TMEM178A: variants seen among roughly 807,000 people sequenced by gnomAD.
TMEM178A encodes the protein transmembrane protein 178.
In TMEM178A, 12 loss-of-function variants were observed where a neutral mutation model predicts 29.1. That is an observed-to-expected ratio of 0.41 (90% confidence interval 0.26 to 0.67). The LOEUF is 0.67. Among genes scored for constraint, TMEM178A ranks in the 30% least tolerant of loss-of-function variants. The pLI is 0.29. For missense variants in TMEM178A, 366 were observed against 419.1 expected, an observed-to-expected ratio of 0.87 and a Z score of 1.11; for synonymous variants, 210 against 187.2, an observed-to-expected ratio of 1.12 and a Z score of -0.99.
At chr2:39,679,189 G>C (rs1047025847) in intron 1 of TMEM178A, among the ~76,000 whole-genome samples, 5 of 152,122 alleles carry the variant, frequency 3.3e-5, no homozygotes, top group Non-Finnish European at 7.3e-5. Flanking sequence ...TTAGTATTGG[G>C]CACATGGCGA....
Position 39,717,492 on chromosome 2 carries a change from G to C in TMEM178A, c.*241G>C. ...GTGAGAATAGGGAGCAGTGCCATGG[G>C]ACATTTCTAGGTGTAGAGAAAGAAG... On this transcript the variant is annotated 3_prime_UTR_variant, in exon 4 of 4. Transcript: ENST00000281961. 2.5e-6 allele frequency: 1 copy of C among 407,850 alleles called. No individual in the cohort carries two copies. Among genetic ancestry groups the C allele is most frequent in the Non-Finnish European group, 4.2e-6 (1 of 235,546 alleles). The allele number at this position is 407,850 out of a possible 1,614,324, so 25.3% of individuals were successfully genotyped here.
chr2:39,696,475 C>T (rs1671546385), intron 1 of TMEM178A, among the ~76,000 whole-genome samples: 2 of 152,112 alleles, frequency 1.3e-5, no homozygotes, highest in African/African-American at 4.8e-5. Context: ...TCCTGAATTA[C>T]CTCTTTCATT....
chr2:39,697,082 T>C (rs1671575516), intron 1 of TMEM178A, among the ~76,000 whole-genome samples: 1 of 152,242 alleles, frequency 6.6e-6, no homozygotes, highest in African/African-American at 2.4e-5. Context: ...TGGAATCTAA[T>C]GCCTCCTTGT....
intron 1 of TMEM178A, among the ~76,000 whole-genome samples, chr2:39,668,777 T>G (rs1336452159): frequency 1.3e-5 from 2 of 152,228 alleles, no homozygotes; most frequent in Admixed American, 6.5e-5. Context: ...ACATAATTCT[T>G]CTAGATCTCA....
rs558797649 is a variant in TMEM178A at position 39,699,759 on chromosome 2, T to C, written c.401-4322T>C. 3.3e-5 allele frequency among the ~76,000 whole-genome samples: 5 copies of C among 152,282 alleles called. No individual in the cohort carries two copies. The East Asian group carries it at 9.7e-4, about 29-fold the overall frequency. On this transcript the variant is annotated intron_variant, in intron 1 of 3. Coordinates refer to ENST00000281961, the MANE Select transcript of TMEM178A (RefSeq NM_152390.3). ...GCATGAGCTACTGTGCCAGGCGAGA[T>C]CTTTTTTTAATGTAGGCATTTACAG... is the stretch of plus-strand genomic sequence containing the variant.
At chr2:39,722,175 C>T (rs1189143060), downstream of TMEM178A, among the ~76,000 whole-genome samples, 1 of 151,680 alleles carries the variant, frequency 6.6e-6, no homozygotes, top group Non-Finnish European at 1.5e-5. Context: ...AGTAGGTGGA[C>T]ATATTTTAGA....
chr2:39,718,754 C>T (rs1672640916), downstream of TMEM178A, among the ~76,000 whole-genome samples: 1 of 152,008 alleles, frequency 6.6e-6, no homozygotes. Flanking sequence ...GTTGTGTTTG[C>T]TTATCTTTCA....
At chr2:39,666,550 C>G (rs1227423755) in intron 1 of TMEM178A, among the ~76,000 whole-genome samples, 176 bp downstream of exon 1, 2 of 152,000 alleles carry the variant, frequency 1.3e-5, no homozygotes, top group East Asian at 3.9e-4. Flanking sequence ...TCCCCACTGC[C>G]TCCCTTCTTC....
intron 1 of TMEM178A, among the ~76,000 whole-genome samples, chr2:39,688,459 G>A (rs1671173522): frequency 2.0e-5 from 3 of 152,240 alleles, no homozygotes; most frequent in Admixed American, 2.0e-4. Flanking sequence ...ATGGCTTTGG[G>A]ATTTGGCTTC....
At chr2:39,710,361 C>T (rs971490420) in intron 3 of TMEM178A, among the ~76,000 whole-genome samples, 1 of 152,182 alleles carries the variant, frequency 6.6e-6, no homozygotes, top group East Asian at 1.9e-4. Flanking sequence ...CACTTACAGA[C>T]CTCATCACCT....
At chr2:39,734,195 A>G in the TMEM178A span, among the ~76,000 whole-genome samples, 1,666 of 152,280 alleles carry the variant, frequency 0.011, 38 homozygotes, top group East Asian at 0.076. Flanking sequence ...CATTCCACCA[A>G]AAGCCCCATG....
At chr2:39,680,749 AC>A (rs1287256179) in intron 1 of TMEM178A, among the ~76,000 whole-genome samples, 1 of 151,212 alleles carries the variant, frequency 6.6e-6, no homozygotes, top group Non-Finnish European at 1.5e-5. Flanking sequence ...AAAGAAAAAA[AC>A]ATGCTTTTTT....
At chr2:39,682,960 C>G (rs1670931715) in intron 1 of TMEM178A, among the ~76,000 whole-genome samples, 4 of 152,156 alleles carry the variant, frequency 2.6e-5, no homozygotes, top group Admixed American at 2.6e-4. Flanking sequence ...ACATGACAGC[C>G]CATTACCACC....
chr2:39,726,090 T>A, the TMEM178A span, among the ~76,000 whole-genome samples: 1 of 151,954 alleles, frequency 6.6e-6, no homozygotes, highest in East Asian at 1.9e-4. Context: ...GTAAAAAATC[T>A]TCCTTCAGGG....
At chr2:39,710,222 C>T (rs1672245484) in intron 3 of TMEM178A, among the ~76,000 whole-genome samples, 1 of 152,182 alleles carries the variant, frequency 6.6e-6, no homozygotes, top group Non-Finnish European at 1.5e-5. Context: ...CCAACAAAAA[C>T]CCAAACAATA....
At chr2:39,702,687 AG>A (rs1671838110) in intron 1 of TMEM178A, among the ~76,000 whole-genome samples, 2 of 151,790 alleles carry the variant, frequency 1.3e-5, no homozygotes, top group Admixed American at 6.5e-5. Flanking sequence ...AAAAAAAAAA[AG>A]AACTTCGAAT....
chr2:39,710,118 G>T (rs544887179), intron 3 of TMEM178A, among the ~76,000 whole-genome samples: 1 of 152,116 alleles, frequency 6.6e-6, no homozygotes, highest in Non-Finnish European at 1.5e-5. Flanking sequence ...GGAGCTCAGA[G>T]GTCCTCAGGA....
At chr2:39,685,510 G>T (rs916660220) in intron 1 of TMEM178A, among the ~76,000 whole-genome samples, 1 of 152,136 alleles carries the variant, frequency 6.6e-6, no homozygotes, top group Non-Finnish European at 1.5e-5. Flanking sequence ...TAGGGCTTTT[G>T]TTTGTTTTCA....
At chr2:39,725,432 T>A in the TMEM178A span, among the ~76,000 whole-genome samples, 3 of 152,182 alleles carry the variant, frequency 2.0e-5, no homozygotes, top group African/African-American at 7.2e-5. Flanking sequence ...CACGATTCCA[T>A]ACATTCCAAT....
Sources: gnomAD v4.1 joint callset for allele counts (sites outside exome capture counted in the v4.1 genomes callset) on GRCh38, gnomAD v4.1.1 for gene constraint, MANE v1.5 for transcripts, NCBI Gene and HGNC (gene_info 2026-07-23, HGNC 2026-07-21) for gene names.